PRKG1: variants seen among roughly 807,000 people sequenced by gnomAD.
The protein encoded by PRKG1 is protein kinase cGMP-dependent 1.
A neutral mutation model predicts 88.1 loss-of-function variants in PRKG1; 35 were observed. The observed-to-expected ratio is 0.40, with a 90% CI of 0.30 to 0.53. The LOEUF is 0.53. Ranked by LOEUF, PRKG1 falls within the 20% of genes least tolerant of loss-of-function variation. The pLI is 0.59. For missense variants in PRKG1, 540 were observed against 839.8 expected, an observed-to-expected ratio of 0.64 and a Z score of 4.41; for synonymous variants, 303 against 292.5, an observed-to-expected ratio of 1.04 and a Z score of -0.37.
At chr10:52,166,817 A>ATATGTATATATGTATATATATG (rs1838469565) in intron 9 of PRKG1, among the ~76,000 whole-genome samples, 1 of 3,360 alleles carries the variant, frequency 3.0e-4, no homozygotes, top group Admixed American at 5.7e-3. Flanking sequence ...ATGTATATAT[A>ATATGTATATATGTATATATATG]TGTATATATA....
intron 3 of PRKG1, among the ~76,000 whole-genome samples, chr10:51,772,006 A>G (rs1469432612): frequency 6.6e-6 from 1 of 152,130 alleles, no homozygotes; most frequent in Non-Finnish European, 1.5e-5. Flanking sequence ...TTTTTTAACT[A>G]TTACTACTAG....
intron 7 of PRKG1, among the ~76,000 whole-genome samples, chr10:52,119,030 A>T (rs977485926): frequency 3.9e-5 from 6 of 152,130 alleles, no homozygotes; most frequent in Non-Finnish European, 8.8e-5. Flanking sequence ...ATTTAAAGTG[A>T]TCGTGCTTGA....
rs10998475 is a variant in PRKG1 at position 51,609,350 on chromosome 10, G to A, written c.592+141514G>A. ...CATTGTAAGTGCTCTATATGGGTGT[G>A]TCATTTTTTAAATATTGTTAAAAAT... On this transcript the variant is annotated intron_variant, in intron 3 of 17. Coordinates refer to ENST00000373980, the MANE Select transcript of PRKG1 (RefSeq NM_006258.4). Among the ~76,000 whole-genome samples, 115 of 152,138 alleles carry A rather than the reference G, an allele frequency of 7.6e-4. 1 individual carries two copies. The East Asian group carries it at 0.02, about 27-fold the overall frequency.
chr10:51,306,640 T>C (rs1177170326), intron 2 of PRKG1: 1 of 152,172 alleles, frequency 6.6e-6, no homozygotes, highest in Non-Finnish European at 1.5e-5. Flanking sequence ...AAGTTTGTGC[T>C]TTGCTCTCCA....
At chr10:51,104,311 T>A (rs1341760317) in intron 1 of PRKG1, among the ~76,000 whole-genome samples, 1 of 152,206 alleles carries the variant, frequency 6.6e-6, no homozygotes, top group African/African-American at 2.4e-5. Context: ...TAACAAGCCT[T>A]ATGGAATGGT....
chr10:51,014,260 C>T (rs879852327), intron 1 of PRKG1, among the ~76,000 whole-genome samples: 2 of 151,788 alleles, frequency 1.3e-5, no homozygotes, highest in Non-Finnish European at 2.9e-5. Context: ...TCACTGATTC[C>T]CGTTGACAAA....
intron 1 of PRKG1, among the ~76,000 whole-genome samples, chr10:51,107,941 G>A (rs1405647991): frequency 6.6e-6 from 1 of 151,794 alleles, no homozygotes; most frequent in African/African-American, 2.4e-5. Flanking sequence ...GATATTATGA[G>A]GATAATAAGG....
chr10:52,033,045 G>C (rs1436064257), intron 5 of PRKG1, among the ~76,000 whole-genome samples: 2 of 152,134 alleles, frequency 1.3e-5, no homozygotes, highest in South Asian at 4.1e-4. Flanking sequence ...AGCAGGGAGA[G>C]AGACTGGGTC....
At chr10:51,141,996 TTTTA>T (rs1271097168) in intron 1 of PRKG1, among the ~76,000 whole-genome samples, 3 of 152,172 alleles carry the variant, frequency 2.0e-5, no homozygotes, top group Non-Finnish European at 2.9e-5. Flanking sequence ...GGAGCTTCCT[TTTTA>T]TTTGAAATTC....
At chr10:52,160,094 C>A (rs1838237537) in intron 8 of PRKG1, among the ~76,000 whole-genome samples, 2 of 151,536 alleles carry the variant, frequency 1.3e-5, no homozygotes, top group South Asian at 4.2e-4. Flanking sequence ...CTAAAAAACC[C>A]CCAGAAAATT....
At chr10:51,362,403 T>C (rs1161080471) in intron 2 of PRKG1, among the ~76,000 whole-genome samples, 1 of 151,764 alleles carries the variant, frequency 6.6e-6, no homozygotes, top group Non-Finnish European at 1.5e-5. Context: ...TATGTGAGTC[T>C]TCTTTTTTTT....
intron 2 of PRKG1, among the ~76,000 whole-genome samples, chr10:51,420,425 G>T (rs1024124955): frequency 1.1e-4 from 16 of 152,096 alleles, no homozygotes; most frequent in African/African-American, 3.9e-4. Flanking sequence ...TGATGCCCAG[G>T]ATGACTGTAT....
chr10:52,108,031 G>T lies in PRKG1; in HGVS notation c.936-25809G>T, dbSNP rs569873013. On this transcript the variant is annotated intron_variant, in intron 7 of 17. Coordinates refer to ENST00000373980, the MANE Select transcript of PRKG1 (RefSeq NM_006258.4). ...CCATTTATTTTCAAATTATACACAC[G>T]CATGCACATATATAGACATTGGGTA... 2.0e-5 allele frequency among the ~76,000 whole-genome samples: 3 copies of T among 152,160 alleles called. No individual in the cohort carries two copies. The South Asian group carries it at 6.2e-4, about 32-fold the overall frequency.
chr10:51,154,421 G>A (rs1846154544), intron 2 of PRKG1, among the ~76,000 whole-genome samples: 1 of 151,946 alleles, frequency 6.6e-6, no homozygotes, highest in East Asian at 1.9e-4. Context: ...AGATTTATCT[G>A]GCCCAAAATG....
chr10:51,616,889 C>T (rs910150071), intron 3 of PRKG1, among the ~76,000 whole-genome samples: 30 of 152,272 alleles, frequency 2.0e-4, no homozygotes, highest in African/African-American at 7.0e-4. Flanking sequence ...TCCTTGCTTG[C>T]ATTTCAGTCA....
chr10:52,074,390 T>C (rs1456003346), intron 7 of PRKG1, among the ~76,000 whole-genome samples: 1 of 152,198 alleles, frequency 6.6e-6, no homozygotes, highest in African/African-American at 2.4e-5. Context: ...TATTTATCTC[T>C]ACTGTCTAAA....
At chr10:51,626,454 A>AT (rs971838209) in intron 3 of PRKG1, among the ~76,000 whole-genome samples, 32 of 152,032 alleles carry the variant, frequency 2.1e-4, no homozygotes, top group Admixed American at 2.0e-3. Flanking sequence ...TTTCTATTTC[A>AT]TTTTTTTAAA....
intron 2 of PRKG1, among the ~76,000 whole-genome samples, chr10:51,363,710 A>G (rs1029900905): frequency 3.3e-5 from 5 of 151,886 alleles, no homozygotes; most frequent in East Asian, 1.9e-4. Flanking sequence ...TCTTTTCACC[A>G]TGACTCTGCC....
intron 2 of PRKG1, among the ~76,000 whole-genome samples, chr10:51,270,526 T>C (rs1240482770): frequency 6.6e-6 from 1 of 152,080 alleles, no homozygotes; most frequent in East Asian, 1.9e-4. Flanking sequence ...ATTGGAGGGA[T>C]TTAATGGGTG....
Sources: allele counts gnomAD v4.1 joint callset (sites outside exome capture counted in the v4.1 genomes callset), GRCh38; gene constraint gnomAD v4.1.1; transcripts MANE v1.5; gene names NCBI Gene and HGNC (gene_info 2026-07-23, HGNC 2026-07-21).